The following FARS2 variants were observed in gnomAD, a reference collection of about 807,000 sequenced individuals.
FARS2 encodes the protein phenylalanine--tRNA ligase, mitochondrial.
A neutral mutation model predicts 46.4 loss-of-function variants in FARS2; 40 were observed. The ratio of observed to expected loss-of-function variants is 0.86; its 90% confidence interval spans 0.67 to 1.12. The LOEUF (loss-of-function observed/expected upper bound fraction) is 1.12, where lower values mean the gene tolerates loss of function less well. Ranked by LOEUF, FARS2 falls within the 50% of genes most tolerant of loss-of-function variation. The probability of loss-of-function intolerance (pLI) is 0.00; values close to 1 mark genes in which losing one functional copy is unlikely to be tolerated. For synonymous variants in FARS2, 234 were observed against 214.9 expected (o/e 1.09, Z -0.78); for missense variants, 513 against 567.9 (o/e 0.90, Z 0.98).
At chr6:5,718,001 A>G (rs1353314405) in intron 6 of FARS2, among the ~76,000 whole-genome samples, 3 of 150,118 alleles carry the variant, frequency 2.0e-5, no homozygotes, top group African/African-American at 7.4e-5. Context: ...TGCAACCTCC[A>G]TCTCCCAGGT....
At chr6:5,426,040 A>G (rs149190121) in intron 3 of FARS2, among the ~76,000 whole-genome samples, 100 of 152,214 alleles carry the variant, frequency 6.6e-4, no homozygotes, top group African/African-American at 2.1e-3. Context: ...TTCCTAAAGT[A>G]TACTTTCTTT....
At position 5,710,386 on chromosome 6, in the gene FARS2, C is replaced by A. The variant is rs73718364; in HGVS notation, c.1218-60905C>A. On this transcript the variant is annotated intron_variant, in intron 6 of 6. Coordinates refer to ENST00000274680, the MANE Select transcript of FARS2 (RefSeq NM_006567.5). ...GTTGGAGTCAATTAGAAGTTCTACT[C>A]AGGCCAAGATAGAGTCACAAGGACT... Among the ~76,000 whole-genome samples, 1,232 of 152,334 alleles carry A rather than the reference C, an allele frequency of 8.1e-3. 18 individuals carry two copies. The highest frequency in any genetic ancestry group is 0.028 in the African/African-American group (1,154 of 41,564).
At chr6:5,675,283 A>C (rs768021148) in intron 6 of FARS2, among the ~76,000 whole-genome samples, 5 of 152,130 alleles carry the variant, frequency 3.3e-5, no homozygotes, top group Non-Finnish European at 7.4e-5. Flanking sequence ...CTGTCAGTCC[A>C]TACAGGGACT....
chr6:5,370,138 A>C (rs1758960157), intron 2 of FARS2, among the ~76,000 whole-genome samples: 1 of 152,214 alleles, frequency 6.6e-6, no homozygotes, highest in African/African-American at 2.4e-5. Flanking sequence ...TGAGTTATTA[A>C]TATGAAAACA....
upstream of FARS2, among the ~76,000 whole-genome samples, chr6:5,258,735 G>A (rs1764796286): frequency 6.6e-6 from 1 of 152,170 alleles, no homozygotes; most frequent in African/African-American, 2.4e-5. Flanking sequence ...TTTATATTTG[G>A]ATAGTAAATT....
At chr6:5,379,600 T>G (rs995735043) in intron 2 of FARS2, among the ~76,000 whole-genome samples, 10 of 152,202 alleles carry the variant, frequency 6.6e-5, no homozygotes, top group Non-Finnish European at 1.3e-4. Context: ...GGTGCCATGC[T>G]GGTGAAATTG....
chr6:5,694,923 T>A (rs1420966731), intron 6 of FARS2: 1 of 152,026 alleles, frequency 6.6e-6, no homozygotes, highest in Non-Finnish European at 1.5e-5. Flanking sequence ...GTGAGGATCG[T>A]TTGAGCCCTG....
At chr6:5,467,808 C>T (rs58700558) in intron 4 of FARS2, among the ~76,000 whole-genome samples, 5,505 of 152,162 alleles carry the variant, frequency 0.036, 310 homozygotes, top group African/African-American at 0.13. Context: ...TTATGCCTTA[C>T]CATTTTATGG....
intron 1 of FARS2, among the ~76,000 whole-genome samples, chr6:5,262,069 A>C (rs1765186674): frequency 6.6e-6 from 1 of 152,194 alleles, no homozygotes; most frequent in Admixed American, 6.5e-5. Flanking sequence ...TGCTTTATGT[A>C]ATCAACCTTA....
At chr6:5,564,319 C>A (rs191445135) in intron 5 of FARS2, among the ~76,000 whole-genome samples, 3 of 152,124 alleles carry the variant, frequency 2.0e-5, no homozygotes, top group Admixed American at 1.3e-4. Context: ...AAGAAACCTC[C>A]GGGTTATGGG....
rs141171111 is a variant in FARS2, at chr6:5,598,629, G to A, written c.1066-14540G>A. 7.9e-5 allele frequency among the ~76,000 whole-genome samples: 12 copies of A among 152,314 alleles called. No homozygotes were observed. The East Asian group carries it at 2.1e-3, about 27-fold the overall frequency. On this transcript the variant is annotated intron_variant, in intron 5 of 6. Transcript: ENST00000274680. The stretch of plus-strand genomic sequence containing the variant: ...CTTCCAACACAGGCATAAGGTGAAT[G>A]TCTACTGGGGGGCTGGGGTCACTGC...
At chr6:5,325,141 C>T (rs187746417) in intron 1 of FARS2, among the ~76,000 whole-genome samples, 11 of 152,308 alleles carry the variant, frequency 7.2e-5, no homozygotes, top group Admixed American at 1.3e-4. Context: ...CACAGATGCA[C>T]GGCAGAGCAG....
chr6:5,293,389 A>T (rs1767634737), intron 1 of FARS2, among the ~76,000 whole-genome samples: 2 of 152,162 alleles, frequency 1.3e-5, no homozygotes, highest in Non-Finnish European at 1.5e-5. Context: ...AGCAGGAAAG[A>T]TGGATGCTGA....
At chr6:5,489,825 T>A (rs1011699421) in intron 4 of FARS2, among the ~76,000 whole-genome samples, 1 of 152,230 alleles carries the variant, frequency 6.6e-6, no homozygotes, top group African/African-American at 2.4e-5. Flanking sequence ...TTATGAAAAT[T>A]TTATAAAATT....
intron 3 of FARS2, among the ~76,000 whole-genome samples, chr6:5,419,923 T>C (rs1356215947): frequency 6.6e-6 from 1 of 152,196 alleles, no homozygotes; most frequent in Admixed American, 6.5e-5. Context: ...GCTTCTGGCC[T>C]GTGGAGGTTT....
intron 6 of FARS2, among the ~76,000 whole-genome samples, chr6:5,614,884 T>A (rs879538523): frequency 2.0e-5 from 3 of 152,268 alleles, no homozygotes; most frequent in Non-Finnish European, 4.4e-5. Flanking sequence ...TATCTGTTTA[T>A]ACTTGAATAA....
intron 6 of FARS2, among the ~76,000 whole-genome samples, chr6:5,642,798 A>G (rs943095424): frequency 1.1e-4 from 16 of 152,254 alleles, no homozygotes; most frequent in African/African-American, 3.9e-4. Flanking sequence ...TTTTGAGTTC[A>G]GTCCACTCTT....
At chr6:5,281,666 T>C (rs1314314698) in intron 1 of FARS2, among the ~76,000 whole-genome samples, 2 of 151,492 alleles carry the variant, frequency 1.3e-5, no homozygotes, top group African/African-American at 4.8e-5. Context: ...TCTGTGAATT[T>C]GATGATATTT....
At chr6:5,421,653 C>T (rs1762556437) in intron 3 of FARS2, among the ~76,000 whole-genome samples, 1 of 152,210 alleles carries the variant, frequency 6.6e-6, no homozygotes, top group Non-Finnish European at 1.5e-5. Flanking sequence ...AATCATGTCT[C>T]TCAAGTTCAA....
Sources: gnomAD v4.1 joint callset for allele counts (sites outside exome capture counted in the v4.1 genomes callset) on GRCh38, gnomAD v4.1.1 for gene constraint, MANE v1.5 for transcripts, NCBI Gene and HGNC (gene_info 2026-07-23, HGNC 2026-07-21) for gene names.